Variants in RSRC1 observed in about 807,000 individuals in gnomAD.
The protein encoded by RSRC1 is arginine and serine rich coiled-coil 1.
A neutral mutation model predicts 49.1 loss-of-function variants in RSRC1; 39 were observed. The observed-to-expected ratio is 0.79, with a 90% CI of 0.61 to 1.04. The LOEUF (loss-of-function observed/expected upper bound fraction) is 1.04. Ranked by LOEUF, RSRC1 falls within the 50% of genes least tolerant of loss-of-function variation. The pLI is 0.00. For synonymous variants in RSRC1, 143 were observed against 130.8 expected, an observed-to-expected ratio of 1.09 and a Z score of -0.63; for missense variants, 388 against 402.4, an observed-to-expected ratio of 0.96 and a Z score of 0.31.
chr3:158,436,228 G>A (rs371445483), intron 6 of RSRC1, among the ~76,000 whole-genome samples: 4 of 151,920 alleles, frequency 2.6e-5, no homozygotes. Context: ...TGTTCAATTG[G>A]CTATAGTAGA....
intron 3 of RSRC1, among the ~76,000 whole-genome samples, chr3:158,147,239 T>C (rs1717197872): frequency 6.6e-6 from 1 of 151,000 alleles, no homozygotes; most frequent in Non-Finnish European, 1.5e-5. Flanking sequence ...ATAATGCCAT[T>C]ATTATTTTTT....
intron 3 of RSRC1, among the ~76,000 whole-genome samples, chr3:158,187,402 A>G (rs2108260209): frequency 6.6e-6 from 1 of 152,152 alleles, no homozygotes; most frequent in African/African-American, 2.4e-5. Flanking sequence ...ATTATAGTAA[A>G]GGGGAGATTG....
rs78778458 is a variant in RSRC1, at chr3:158,158,288, C to G, written c.320+34297C>G. Among the ~76,000 whole-genome samples the G allele has an allele frequency of 2.6e-5, 4 of 152,012 alleles. No individual in the cohort carries two copies. In the East Asian group the frequency reaches 7.7e-4, roughly 29 times the overall value. ...TTTTTTCAAACATGGATGGAAAACACAGTATATGGAGGGCTGACTTCGTAT... is the reference window on the plus strand; with the variant it reads ...TTTTTTCAAACATGGATGGAAAACAGAGTATATGGAGGGCTGACTTCGTAT... On this transcript the variant is annotated intron_variant, in intron 3 of 9. Coordinates refer to ENST00000611884, the MANE Select transcript of RSRC1 (RefSeq NM_001271838.2).
chr3:158,146,970 A>G (rs1179426250), intron 3 of RSRC1, among the ~76,000 whole-genome samples: 2 of 152,112 alleles, frequency 1.3e-5, no homozygotes, highest in African/African-American at 4.8e-5. Flanking sequence ...TACAATATAT[A>G]CACAGTACCT....
intron 7 of RSRC1, among the ~76,000 whole-genome samples, chr3:158,506,485 A>G (rs1739865244): frequency 6.6e-6 from 1 of 152,108 alleles, no homozygotes; most frequent in Non-Finnish European, 1.5e-5. Flanking sequence ...CAAAGCATGT[A>G]ACTTAAAAAG....
chr3:158,180,407 T>TGCCGTG (rs1274181680), intron 3 of RSRC1, among the ~76,000 whole-genome samples: 17 of 95,232 alleles, frequency 1.8e-4, no homozygotes, highest in African/African-American at 7.2e-4. Flanking sequence ...TTTTTTTTTT[T>TGCCGTG]TTTTTTTTTG....
intron 3 of RSRC1, among the ~76,000 whole-genome samples, chr3:158,191,925 C>A (rs1720265494): frequency 6.6e-6 from 1 of 152,014 alleles, no homozygotes; most frequent in Admixed American, 6.6e-5. Flanking sequence ...GAGTTTTATT[C>A]AAAATTGTGT....
chr3:158,151,790 G>T (rs745591701), intron 3 of RSRC1, among the ~76,000 whole-genome samples: 1 of 151,888 alleles, frequency 6.6e-6, no homozygotes, highest in East Asian at 1.9e-4. Flanking sequence ...TATGTAGTCA[G>T]TAAATACTGT....
At chr3:158,465,782 A>G (rs1737857144) in intron 7 of RSRC1, among the ~76,000 whole-genome samples, 1 of 152,254 alleles carries the variant, frequency 6.6e-6, no homozygotes, top group East Asian at 1.9e-4. Flanking sequence ...TAATAGTTCT[A>G]TTAATATATC....
chr3:158,306,012 A>G (rs1727817778), intron 5 of RSRC1, among the ~76,000 whole-genome samples: 3 of 152,060 alleles, frequency 2.0e-5, no homozygotes, highest in South Asian at 4.1e-4. Context: ...GATAAAAACA[A>G]TATCTTAATT....
chr3:158,456,148 A>G (rs1241184715), intron 6 of RSRC1, among the ~76,000 whole-genome samples: 1 of 152,022 alleles, frequency 6.6e-6, no homozygotes, highest in Non-Finnish European at 1.5e-5. Context: ...CCTTAAAATA[A>G]TATACATGTG....
chr3:158,113,428 G>A (rs1181198073), intron 1 of RSRC1, among the ~76,000 whole-genome samples: 2 of 150,876 alleles, frequency 1.3e-5, no homozygotes, highest in African/African-American at 4.9e-5. Flanking sequence ...GAGTGCAGTG[G>A]TGCGATCTCG....
chr3:158,246,288 C>A (rs913980031), intron 4 of RSRC1, among the ~76,000 whole-genome samples: 2 of 151,664 alleles, frequency 1.3e-5, no homozygotes, highest in African/African-American at 4.9e-5. Flanking sequence ...AGGAGATATA[C>A]CTAATGTTAA....
chr3:158,303,675 G>C (rs1252787268), intron 5 of RSRC1: 2 of 152,180 alleles, frequency 1.3e-5, no homozygotes, highest in Admixed American at 6.5e-5. Flanking sequence ...TGAATCTGGT[G>C]AAGAATCTAG....
At chr3:158,246,375 T>C (rs1026515296) in intron 4 of RSRC1, among the ~76,000 whole-genome samples, 3 of 144,876 alleles carry the variant, frequency 2.1e-5, no homozygotes, top group Non-Finnish European at 4.5e-5. Flanking sequence ...TGTGCACATG[T>C]ACCTTAAAAC....
At chr3:158,437,469 T>C (rs1433908690) in intron 6 of RSRC1, among the ~76,000 whole-genome samples, 1 of 152,094 alleles carries the variant, frequency 6.6e-6, no homozygotes, top group African/African-American at 2.4e-5. Flanking sequence ...TTGACCATGA[T>C]CAAGTCAGCT....
At chr3:158,202,536 A>G (rs1375691244) in intron 3 of RSRC1, among the ~76,000 whole-genome samples, 2 of 115,534 alleles carry the variant, frequency 1.7e-5, no homozygotes, top group Non-Finnish European at 3.7e-5. Context: ...TTTAAAAATT[A>G]TCTGTAGGGT....
intron 3 of RSRC1, among the ~76,000 whole-genome samples, chr3:158,180,393 C>CTTTTT (rs1163298458): frequency 2.6e-5 from 1 of 38,530 alleles, no homozygotes; most frequent in Non-Finnish European, 5.4e-5. Flanking sequence ...GGTCGAGGTT[C>CTTTTT]TTTTTTTTTT....
At chr3:158,216,327 T>C (rs1165424436) in intron 4 of RSRC1, among the ~76,000 whole-genome samples, 1 of 151,518 alleles carries the variant, frequency 6.6e-6, no homozygotes, top group Non-Finnish European at 1.5e-5. Flanking sequence ...AAATCTATTA[T>C]GTCTAATCTG....
Sources: allele counts gnomAD v4.1 joint callset (sites outside exome capture counted in the v4.1 genomes callset), GRCh38; gene constraint gnomAD v4.1.1; transcripts MANE v1.5; gene names NCBI Gene and HGNC (gene_info 2026-07-23, HGNC 2026-07-21).